LCMT1: variants seen among roughly 807,000 people sequenced by gnomAD.
LCMT1 encodes [Phosphatase 2A protein]-leucine-carboxy methyltransferase 1.
A neutral mutation model predicts 47.7 loss-of-function variants in LCMT1; 32 were observed. The observed-to-expected ratio is 0.67, with a 90% confidence interval of 0.51 to 0.90. The LOEUF is 0.90. Among genes scored for constraint, LCMT1 ranks in the 40% least tolerant of loss-of-function variants. The pLI is 0.00. For synonymous variants in LCMT1, 152 were observed against 149.7 expected, an observed-to-expected ratio of 1.02 and a Z score of -0.11; for missense variants, 375 against 415.2, an observed-to-expected ratio of 0.90 and a Z score of 0.84.
At chr16:25,131,792 A>C (rs768222553) in intron 2 of LCMT1, among the ~76,000 whole-genome samples, 1 of 152,168 alleles carries the variant, frequency 6.6e-6, no homozygotes, top group Non-Finnish European at 1.5e-5. Flanking sequence ...CTTGTGGTCT[A>C]TCCTCCCAAG....
At position 25,170,758 on chromosome 16, in the gene LCMT1, C is replaced by G; in HGVS notation, c.837C>G (p.Val279=). The G allele has an allele frequency of 1.2e-6, 2 of 1,613,374 alleles. No homozygotes were observed. The highest frequency in any genetic ancestry group is 1.7e-6 in the Non-Finnish European group (2 of 1,179,542). The change falls in exon 9 of 11, where the codon GTC becomes GTG. Residue 279 remains valine, a synonymous_variant. Transcript: ENST00000399069. ...ATGGGTGGGAAACAGCATCGGCCGT[C>G]GACATGATGGAGTTGTACAACAGGT... ...LSNGWETASA[V]DMMELYNRLP... is the part of the protein sequence containing the mutation.
At chr16:25,170,680 C>G (rs1405631314) in intron 8 of LCMT1, 34 bp from the exon 9 acceptor site, 1 of 1,529,442 alleles carries the variant, frequency 6.5e-7, no homozygotes, top group African/African-American at 1.4e-5. Context: ...TGGTAGTTCT[C>G]TAGTTCTCCA....
At chr16:25,118,682 G>A (rs1351468539) in intron 1 of LCMT1, among the ~76,000 whole-genome samples, 1 of 152,194 alleles carries the variant, frequency 6.6e-6, no homozygotes, top group Non-Finnish European at 1.5e-5. Context: ...AAGGCTTGCA[G>A]GGGGCAGGAG....
At chr16:25,159,733 A>G (rs1961363378) in intron 5 of LCMT1, among the ~76,000 whole-genome samples, 3 of 152,254 alleles carry the variant, frequency 2.0e-5, no homozygotes, top group Middle Eastern at 6.8e-3. Context: ...AAGTGGAGTT[A>G]TCAAGATGAT....
rs557773484 is a variant in LCMT1 at position 25,154,879 on chromosome 16, G to A, written c.466+3264G>A. ...TTATCTTTTAACTTTGTGTCTCATCGGTGAATTTTTTACTCTGGTTCTTTA... is the reference window on the plus strand; with the variant it reads ...TTATCTTTTAACTTTGTGTCTCATCAGTGAATTTTTTACTCTGGTTCTTTA... On this transcript the variant is annotated intron_variant, in intron 5 of 10. Transcript: ENST00000399069. Among the ~76,000 whole-genome samples, 4 of 151,862 alleles carry A rather than the reference G, an allele frequency of 2.6e-5. No individual in the cohort carries two copies. The East Asian group carries it at 5.8e-4, about 22-fold the overall frequency.
intron 5 of LCMT1, 180 bp from the exon 6 acceptor site, chr16:25,160,922 C>A: frequency 1.6e-6 from 1 of 639,626 alleles, no homozygotes; most frequent in Admixed American, 2.3e-5. Context: ...ATGTTACACA[C>A]CAAAACACGA....
chr16:25,138,527 G>C (rs1416266461), intron 3 of LCMT1, among the ~76,000 whole-genome samples: 1 of 151,728 alleles, frequency 6.6e-6, no homozygotes, highest in Non-Finnish European at 1.5e-5. Context: ...GTGCGTGTGT[G>C]TGTGTGGTTG....
chr16:25,130,417 C>T lies in LCMT1; in HGVS notation c.205+1851C>T, dbSNP rs553425305. On this transcript the variant is annotated intron_variant, in intron 2 of 10. Transcript: ENST00000399069. ...CTGTAATCCTAACACTTTGGGAGGC[C>T]GAGGCAGGTTGATCACTTGAGCTCA... Among the ~76,000 whole-genome samples the T allele has an allele frequency of 6.6e-5, 10 of 151,692 alleles. No individual in the cohort carries two copies. In the East Asian group the frequency reaches 9.7e-4, roughly 15 times the overall value.
rs776238287 is a variant in LCMT1 at position 25,111,924 on chromosome 16, G to C, written c.41G>C (p.Cys14Ser). ...RQRESSITSC[C>S]STSSCDADDE... Reference sequence around the variant, plus strand: ...AGGGAATCCTCTATCACCTCCTGCTGTTCCACCTCGAGCTGCGACGCAGAC... The same window carrying C: ...AGGGAATCCTCTATCACCTCCTGCTCTTCCACCTCGAGCTGCGACGCAGAC... The change falls in exon 1 of 11, where the codon TGT becomes TCT. Residue 14 changes from cysteine to serine, a missense_variant. Transcript: ENST00000399069. 6.2e-7 allele frequency: 1 copy of C among 1,613,602 alleles called. No individual in the cohort carries two copies. Among genetic ancestry groups the C allele is most frequent in the Non-Finnish European group, 8.5e-7 (1 of 1,179,750 alleles).
intron 10 of LCMT1, among the ~76,000 whole-genome samples, chr16:25,175,399 A>C (rs964371403): frequency 6.6e-6 from 1 of 151,714 alleles, no homozygotes; most frequent in East Asian, 1.9e-4. Context: ...TGAGGTGGGC[A>C]GATCACTTGA....
At chr16:25,159,252 G>A (rs1359109235) in intron 5 of LCMT1, among the ~76,000 whole-genome samples, 3 of 152,136 alleles carry the variant, frequency 2.0e-5, no homozygotes, top group African/African-American at 7.2e-5. Context: ...TTCCTAATAG[G>A]GTAGGCAACT....
In LCMT1 at chr16:25,175,011, C is replaced by G. The variant is rs1186919798; in HGVS notation, c.959C>G (p.Ala320Gly). The change falls in exon 10 of 11, where the codon GCA becomes GGA. Residue 320 changes from alanine to glycine, a missense_variant. Ala to Gly is a moderately conservative substitution (Grantham distance 60). Coordinates refer to ENST00000399069, the MANE Select transcript of LCMT1 (RefSeq NM_016309.3). Reference sequence around the variant, plus strand: ...ATGCGGCATTACTGCCTTTGCTGGGCAACCAAAGGAGGAAATGAGCTTGGT... The same window carrying G: ...ATGCGGCATTACTGCCTTTGCTGGGGAACCAAAGGAGGAAATGAGCTTGGT... ...QLMRHYCLCW[A>G]TKGGNELGLK... 6.2e-7 allele frequency: 1 copy of G among 1,607,706 alleles called. No individual in the cohort carries two copies. The highest frequency in any genetic ancestry group is 1.3e-5 in the African/African-American group (1 of 74,966).
At chr16:25,177,143 G>GTACTCCA (rs11281280) in intron 10 of LCMT1, among the ~76,000 whole-genome samples, 104,467 of 150,552 alleles carry the variant, frequency 0.69, 36,431 homozygotes, top group Non-Finnish European at 0.74. Context: ...TGGCACCACT[G>GTACTCCA]TACTCCAGCC....
At chr16:25,122,754 T>A (rs2141632579) in intron 1 of LCMT1, among the ~76,000 whole-genome samples, 1 of 152,348 alleles carries the variant, frequency 6.6e-6, no homozygotes. Context: ...GTATTTTCTG[T>A]CAAGCTGATG....
chr16:25,159,287 G>C (rs1658819702), intron 5 of LCMT1, among the ~76,000 whole-genome samples: 1 of 152,210 alleles, frequency 6.6e-6, no homozygotes, highest in South Asian at 2.1e-4. Flanking sequence ...TTATTTTGTA[G>C]AGACAAGGTC....
chr16:25,162,702 A>G (rs753808961), intron 6 of LCMT1, among the ~76,000 whole-genome samples: 9 of 152,174 alleles, frequency 5.9e-5, no homozygotes, highest in Non-Finnish European at 1.0e-4. Context: ...GAGAAATGCT[A>G]TTCATTTCTG....
At chr16:25,177,104 C>G (rs879889832) in intron 10 of LCMT1, among the ~76,000 whole-genome samples, 1 of 149,548 alleles carries the variant, frequency 6.7e-6, no homozygotes, top group Non-Finnish European at 1.5e-5. Context: ...CTCTTGAACC[C>G]GGGAGGCAGA....
Position 25,146,341 on chromosome 16 carries a change from A to C in LCMT1, c.405-5213A>C, listed in dbSNP as rs1000523348. 3 of 152,524 alleles carry C rather than the reference A, an allele frequency of 2.0e-5. No homozygotes were observed. The East Asian group carries it at 5.8e-4, about 29-fold the overall frequency. 9.4% of individuals were successfully genotyped at this position (152,524 alleles called of 1,614,324 possible). A position where few individuals can be genotyped will look rare whatever the true frequency, so the allele number is the denominator to read the frequency against. On this transcript the variant is annotated intron_variant, in intron 4 of 10. Coordinates refer to ENST00000399069, the MANE Select transcript of LCMT1 (RefSeq NM_016309.3). ...GGGTGCTGTCAGGCGGTGTGTATCAATCTCATCTGAAAGCTTGGTGAGGAG... is the reference window on the plus strand; with the variant it reads ...GGGTGCTGTCAGGCGGTGTGTATCACTCTCATCTGAAAGCTTGGTGAGGAG...
chr16:25,164,614 A>G lies in LCMT1; in HGVS notation c.586A>G (p.Ile196Val). The change falls in exon 7 of 11, where the codon ATA becomes GTA. Residue 196 changes from isoleucine (I) to valine (V), a missense_variant. By Grantham distance (29) the Ile-to-Val change is conservative (BLOSUM62 3). Transcript: ENST00000399069. ...NMNTQLPTLL[I>V]AECVLVYMTP... is the part of the protein sequence containing the mutation. Reference sequence around the variant, plus strand: ...ATCTTTAAGATTGCCAACACTCCTGATAGCTGAATGTGTGCTGGTTTACAT... The same window carrying G: ...ATCTTTAAGATTGCCAACACTCCTGGTAGCTGAATGTGTGCTGGTTTACAT... 6.2e-7 allele frequency: 1 copy of G among 1,613,948 alleles called. No individual in the cohort carries two copies. Among genetic ancestry groups the G allele is most frequent in the Non-Finnish European group, 8.5e-7 (1 of 1,179,868 alleles).
Sources: gnomAD v4.1 joint callset for allele counts (sites outside exome capture counted in the v4.1 genomes callset) on GRCh38, gnomAD v4.1.1 for gene constraint, MANE v1.5 for transcripts, NCBI Gene and HGNC (gene_info 2026-07-23, HGNC 2026-07-21) for gene names.